The following ITK variants were observed in gnomAD, a reference collection of about 807,000 sequenced individuals.
ITK encodes IL2 inducible T cell kinase.
In ITK, 45 loss-of-function variants were observed where a neutral mutation model predicts 87.6. The ratio of observed to expected loss-of-function variants is 0.51; its 90% CI spans 0.40 to 0.66. The LOEUF is 0.66. Ranked by LOEUF, ITK falls within the 30% of genes least tolerant of loss-of-function variation. The probability of loss-of-function intolerance (pLI) is 0.00; values close to 1 mark genes in which losing one functional copy is unlikely to be tolerated. For synonymous variants in ITK, 303 were observed against 273.6 expected (o/e 1.11, Z -1.06); for missense variants, 605 against 766.3 (o/e 0.79, Z 2.48).
At chr5:157,212,750 G>A (rs1191080193) in intron 3 of ITK, among the ~76,000 whole-genome samples, 1 of 152,222 alleles carries the variant, frequency 6.6e-6, no homozygotes, top group Middle Eastern at 3.4e-3. Flanking sequence ...TACCCGGGAG[G>A]CTGAGGTGGG....
Position 157,186,682 on chromosome 5 carries a change from A to G in ITK, c.138+5567A>G, listed in dbSNP as rs538918091. 5.6e-4 allele frequency among the ~76,000 whole-genome samples: 83 copies of G among 148,660 alleles called. 2 individuals are homozygous for G. In the South Asian group the frequency reaches 7.4e-3, roughly 13 times the overall value. ...CAAGAGTGAAACTCCGTCTCAAAAA[A>G]AGAGAGAGAGAGAGAGAGAGAGAGA... On this transcript the variant is annotated intron_variant, in intron 1 of 16. Coordinates refer to ENST00000422843, the MANE Select transcript of ITK (RefSeq NM_005546.4).
intron 6 of ITK, among the ~76,000 whole-genome samples, chr5:157,223,460 C>T (rs1754467799): frequency 6.6e-6 from 1 of 151,856 alleles, no homozygotes; most frequent in Admixed American, 6.6e-5. Flanking sequence ...TAGGACGCAT[C>T]AGAAAGAAGA....
At chr5:157,181,619 T>G (rs1222099539) in intron 1 of ITK, among the ~76,000 whole-genome samples, 1 of 152,226 alleles carries the variant, frequency 6.6e-6, no homozygotes, top group Non-Finnish European at 1.5e-5. Flanking sequence ...TAACTCTGTT[T>G]GTCTCAATAC....
At chr5:157,242,829 C>A (rs1191812023) in intron 11 of ITK, among the ~76,000 whole-genome samples, 1 of 152,174 alleles carries the variant, frequency 6.6e-6, no homozygotes, top group Non-Finnish European at 1.5e-5. Context: ...CTTTGAGAAC[C>A]ACTGCCACGC....
At chr5:157,181,232 G>A (rs1232023950) in intron 1 of ITK, 117 bp downstream of exon 1, 5 of 1,098,552 alleles carry the variant, frequency 4.6e-6, no homozygotes, top group African/African-American at 1.5e-5. Flanking sequence ...CATGCTTATT[G>A]TAACAACATA....
chr5:157,213,689 G>C (rs1367260827), intron 3 of ITK: 2 of 374,106 alleles, frequency 5.3e-6, no homozygotes, highest in Non-Finnish European at 5.2e-6. Context: ...ACTCTGTTCT[G>C]TGCCTTATGT....
intron 1 of ITK, among the ~76,000 whole-genome samples, chr5:157,203,950 G>A (rs1336240650): frequency 1.3e-5 from 2 of 152,188 alleles, no homozygotes; most frequent in Admixed American, 6.5e-5. Context: ...ATGGGGAAGG[G>A]TGGGATAATA....
At chr5:157,219,592 GC>G (rs2113759058) in intron 5 of ITK, among the ~76,000 whole-genome samples, 1 of 152,218 alleles carries the variant, frequency 6.6e-6, no homozygotes, top group East Asian at 1.9e-4. Flanking sequence ...AATCCTCAAA[GC>G]CCCAGCCTGG....
intron 1 of ITK, among the ~76,000 whole-genome samples, chr5:157,188,743 G>A (rs1753694458): frequency 6.6e-6 from 1 of 152,192 alleles, no homozygotes; most frequent in South Asian, 2.1e-4. Flanking sequence ...TCGACTAGCT[G>A]GGACTACAGA....
intron 1 of ITK, among the ~76,000 whole-genome samples, chr5:157,198,863 A>C (rs1333097166): frequency 6.6e-6 from 1 of 152,142 alleles, no homozygotes; most frequent in Non-Finnish European, 1.5e-5. Context: ...CCCAGGCTCA[A>C]CTGATCCTCC....
chr5:157,246,518 A>G (rs1021221619), intron 15 of ITK, among the ~76,000 whole-genome samples: 11 of 152,202 alleles, frequency 7.2e-5, no homozygotes, highest in Non-Finnish European at 1.6e-4. Flanking sequence ...ATCACAAAAG[A>G]TCATAATAAC....
At chr5:157,233,928 G>GATATATATATAT (rs1554102416) in intron 8 of ITK, among the ~76,000 whole-genome samples, 1 of 45,544 alleles carries the variant, frequency 2.2e-5, no homozygotes, top group Non-Finnish European at 4.0e-5. Flanking sequence ...CCTCCTTACT[G>GATATATATATAT]ATACATATAT....
At position 157,249,998 on chromosome 5, in the gene ITK, T is replaced by C. The variant is rs998029703; in HGVS notation, c.1791+991T>C. Reference sequence around the variant, plus strand: ...AGAGTTCTCATATGCCCACCTCACCTGAACAGTTTCCCTGTTCACTAACAT... The same window carrying C: ...AGAGTTCTCATATGCCCACCTCACCCGAACAGTTTCCCTGTTCACTAACAT... On this transcript the variant is annotated intron_variant, in intron 16 of 16. Coordinates refer to ENST00000422843, the MANE Select transcript of ITK (RefSeq NM_005546.4). Among the ~76,000 whole-genome samples the C allele has an allele frequency of 5.3e-5, 8 of 152,342 alleles. 1 individual carries two copies. The East Asian group carries it at 1.3e-3, about 26-fold the overall frequency.
chr5:157,229,052 C>T (rs1019545224), intron 7 of ITK, among the ~76,000 whole-genome samples: 1 of 151,856 alleles, frequency 6.6e-6, no homozygotes, highest in African/African-American at 2.4e-5. Flanking sequence ...AGACTACAAA[C>T]CATTGAATAA....
intron 5 of ITK, among the ~76,000 whole-genome samples, chr5:157,219,560 C>T (rs187180062): frequency 1.3e-4 from 20 of 152,282 alleles, no homozygotes; most frequent in Admixed American, 5.2e-4. Flanking sequence ...AAACTGGCAG[C>T]GTCCCCATAA....
At chr5:157,189,931 T>C (rs1753721651) in intron 1 of ITK, among the ~76,000 whole-genome samples, 1 of 152,168 alleles carries the variant, frequency 6.6e-6, no homozygotes, top group Non-Finnish European at 1.5e-5. Flanking sequence ...TTCCAGGACA[T>C]AATTTTCATC....
chr5:157,238,045 G>C (rs1439447943), intron 8 of ITK, 64 bp from the exon 9 acceptor site: 1 of 1,220,312 alleles, frequency 8.2e-7, no homozygotes, highest in East Asian at 2.3e-5. Context: ...CAAGAAAGTG[G>C]AGCTGGAGGC....
chr5:157,196,241 T>C (rs1183704660), intron 1 of ITK, among the ~76,000 whole-genome samples: 1 of 152,226 alleles, frequency 6.6e-6, no homozygotes, highest in Non-Finnish European at 1.5e-5. Context: ...TTGTTGACTA[T>C]GAGCAAATTA....
intron 8 of ITK, among the ~76,000 whole-genome samples, chr5:157,232,657 T>A (rs1398567160): frequency 6.6e-6 from 1 of 152,228 alleles, no homozygotes; most frequent in African/African-American, 2.4e-5. Context: ...TGTACTGTTT[T>A]TTCAGCTTTG....
Sources: allele counts gnomAD v4.1 joint callset (sites outside exome capture counted in the v4.1 genomes callset), GRCh38; gene constraint gnomAD v4.1.1; transcripts MANE v1.5; gene names NCBI Gene and HGNC (gene_info 2026-07-23, HGNC 2026-07-21).